The following GADL1 variants were observed in gnomAD, a reference collection of about 807,000 sequenced individuals.
GADL1 encodes GAD like acidic amino acid decarboxylase 1, also known as acidic amino acid decarboxylase GADL1.
A neutral mutation model predicts 69.5 loss-of-function variants in GADL1; 71 were observed. The observed-to-expected ratio is 1.02, with a 90% CI of 0.84 to 1.25. The LOEUF (loss-of-function observed/expected upper bound fraction) is 1.25. Ranked by LOEUF, GADL1 falls within the 50% of genes most tolerant of loss-of-function variation. The pLI, the probability that GADL1 is intolerant of heterozygous loss-of-function variation, is 0.00. For synonymous variants in GADL1, 254 were observed against 214.4 expected, an observed-to-expected ratio of 1.18 and a Z score of -1.62; for missense variants, 737 against 631.8, an observed-to-expected ratio of 1.17 and a Z score of -1.79.
At chr3:30,856,886 A>T (rs1327544637) in intron 3 of GADL1, 129 bp downstream of exon 3, 8 of 726,386 alleles carry the variant, frequency 1.1e-5, no homozygotes, top group Non-Finnish European at 1.8e-5. Context: ...TTGCAAAAAC[A>T]TCAGAACTAC....
At chr3:30,874,586 A>G (rs1464006854) in intron 1 of GADL1, among the ~76,000 whole-genome samples, 1 of 151,952 alleles carries the variant, frequency 6.6e-6, no homozygotes, top group Non-Finnish European at 1.5e-5. Context: ...TGACACAGAG[A>G]TTGCTTGAAG....
intron 11 of GADL1, among the ~76,000 whole-genome samples, chr3:30,825,746 G>A (rs1362078531): frequency 3.3e-5 from 5 of 151,804 alleles, no homozygotes; most frequent in Non-Finnish European, 5.9e-5. Context: ...CAGGGAGCGG[G>A]GAATATCACA....
chr3:30,851,734 G>A (rs184638672), intron 4 of GADL1, among the ~76,000 whole-genome samples: 4 of 152,206 alleles, frequency 2.6e-5, no homozygotes, highest in South Asian at 2.1e-4. Flanking sequence ...AGAGATCTCC[G>A]AGCGTCAGCC....
chr3:30,746,440 C>T (rs1186975459), intron 14 of GADL1, among the ~76,000 whole-genome samples: 1 of 152,100 alleles, frequency 6.6e-6, no homozygotes, highest in South Asian at 2.1e-4. Flanking sequence ...AAGTATAAGA[C>T]CCTCCTTATT....
At chr3:30,748,383 T>C (rs1356587126) in intron 14 of GADL1, among the ~76,000 whole-genome samples, 1 of 152,222 alleles carries the variant, frequency 6.6e-6, no homozygotes, top group African/African-American at 2.4e-5. Context: ...CAGATTCAGC[T>C]AATGAGTCCA....
At chr3:30,753,688 TATG>T (rs1465514967) in intron 14 of GADL1, among the ~76,000 whole-genome samples, 3 of 152,330 alleles carry the variant, frequency 2.0e-5, no homozygotes, top group East Asian at 1.9e-4. Context: ...ATTTAGATAA[TATG>T]AGGAAACCAA....
chr3:30,829,250 G>T (rs1697746138), intron 11 of GADL1, among the ~76,000 whole-genome samples: 1 of 151,624 alleles, frequency 6.6e-6, no homozygotes, highest in African/African-American at 2.4e-5. Context: ...GTGATTCAAA[G>T]AGGATTAGTG....
chr3:30,822,176 G>A (rs770028477), intron 11 of GADL1, among the ~76,000 whole-genome samples: 2 of 152,032 alleles, frequency 1.3e-5, no homozygotes, highest in Non-Finnish European at 2.9e-5. Flanking sequence ...TAGATGGCTG[G>A]ATGATATTTC....
In GADL1 at chr3:30,746,275, G is replaced by A. The variant is rs147678427; in HGVS notation, c.1393-17860C>T. 5.7e-3 allele frequency among the ~76,000 whole-genome samples: 868 copies of A among 152,226 alleles called. 12 individuals carry two copies. The highest frequency in any genetic ancestry group is 0.019 in the African/African-American group (809 of 41,544). The stretch of plus-strand genomic sequence containing the variant: ...CCCAAAGTGCTGAAATTATAGGCAT[G>A]AGCCACTGCACCCAGCCTCCATTTC... On this transcript the variant is annotated intron_variant, in intron 14 of 14. Transcript: ENST00000282538.
chr3:30,749,656 G>C (rs542811268), intron 14 of GADL1, among the ~76,000 whole-genome samples: 1 of 152,134 alleles, frequency 6.6e-6, no homozygotes, highest in Non-Finnish European at 1.5e-5. Context: ...TGAAATAATA[G>C]AGAAGGAAGG....
intron 14 of GADL1, among the ~76,000 whole-genome samples, chr3:30,739,378 T>G (rs1199864521): frequency 6.6e-6 from 1 of 152,106 alleles, no homozygotes; most frequent in Non-Finnish European, 1.5e-5. Flanking sequence ...CACCTGCCTG[T>G]GCCCACCTGC....
chr3:30,887,131 G>A (rs779372255), intron 1 of GADL1, among the ~76,000 whole-genome samples: 1 of 152,150 alleles, frequency 6.6e-6, no homozygotes, highest in South Asian at 2.1e-4. Flanking sequence ...CCAACATGGT[G>A]TGTCACCTCA....
chr3:30,827,944 C>T (rs1226893337), intron 11 of GADL1, among the ~76,000 whole-genome samples: 2 of 151,814 alleles, frequency 1.3e-5, no homozygotes, highest in Admixed American at 1.3e-4. Context: ...CTACCTTCCC[C>T]TTTTTCTGCT....
chr3:30,890,994 A>G (rs897083737), intron 1 of GADL1, among the ~76,000 whole-genome samples: 1 of 152,026 alleles, frequency 6.6e-6, no homozygotes, highest in African/African-American at 2.4e-5. Context: ...CAGAGACCCA[A>G]TCTGAACAGG....
At chr3:30,859,787 C>T (rs1698291280) in intron 2 of GADL1, among the ~76,000 whole-genome samples, 1 of 151,898 alleles carries the variant, frequency 6.6e-6, no homozygotes. Context: ...GGATCTCAAA[C>T]AAGGTAGGCT....
At chr3:30,804,395 T>C (rs1697217866) in intron 11 of GADL1, among the ~76,000 whole-genome samples, 1 of 152,256 alleles carries the variant, frequency 6.6e-6, no homozygotes, top group African/African-American at 2.4e-5. Flanking sequence ...TAACAAAGAT[T>C]CTGTTTTTGA....
chr3:30,819,676 T>A (rs1176050189), intron 11 of GADL1, among the ~76,000 whole-genome samples: 1 of 151,728 alleles, frequency 6.6e-6, no homozygotes, highest in Admixed American at 6.6e-5. Flanking sequence ...ATAAATTTAA[T>A]AAGGACATGA....
chr3:30,833,970 A>C, intron 10 of GADL1, 36 bp from the exon 11 acceptor site: 1 of 1,446,226 alleles, frequency 6.9e-7, no homozygotes, highest in South Asian at 1.1e-5. Flanking sequence ...TAGGGAGAGG[A>C]CTCAATTAGT....
chr3:30,753,817 C>T lies in GADL1; in HGVS notation c.1392+24362G>A, dbSNP rs77970501. On this transcript the variant is annotated intron_variant, in intron 14 of 14. Transcript: ENST00000282538. ...ATCTAATTCATAAATTGCAAGAAAACAGGCTAGCTTCCTTGTACACTTAAA... is the reference window on the plus strand; with the variant it reads ...ATCTAATTCATAAATTGCAAGAAAATAGGCTAGCTTCCTTGTACACTTAAA... Among the ~76,000 whole-genome samples the T allele has an allele frequency of 4.7e-3, 710 of 152,308 alleles. 26 individuals carry two copies. In the East Asian group the frequency reaches 0.11, roughly 24 times the overall value.
Sources: gnomAD v4.1 joint callset for allele counts (sites outside exome capture counted in the v4.1 genomes callset) on GRCh38, gnomAD v4.1.1 for gene constraint, MANE v1.5 for transcripts, NCBI Gene and HGNC (gene_info 2026-07-23, HGNC 2026-07-21) for gene names.